Variants in KCNK2 observed in about 807,000 individuals in gnomAD.
KCNK2 encodes potassium two pore domain channel subfamily K member 2, also known as potassium channel subfamily K member 2.
Under a neutral mutation model 40.5 loss-of-function variants are expected in KCNK2, and 21 were observed. That is an observed-to-expected ratio of 0.52 (90% CI 0.37 to 0.75). The LOEUF (loss-of-function observed/expected upper bound fraction) is 0.75, where lower values mean the gene tolerates loss of function less well. Among genes scored for constraint, KCNK2 ranks in the 30% least tolerant of loss-of-function variants. The pLI, the probability that KCNK2 is intolerant of heterozygous loss-of-function variation, is 0.00. For synonymous variants in KCNK2, 191 were observed against 202.2 expected (o/e 0.94, Z 0.47); for missense variants, 399 against 531.6 (o/e 0.75, Z 2.45).
intron 1 of KCNK2, among the ~76,000 whole-genome samples, chr1:215,058,825 A>C (rs1213424910): frequency 1.3e-5 from 2 of 151,886 alleles, no homozygotes; most frequent in Non-Finnish European, 2.9e-5. Context: ...GGGCCTTTTG[A>C]ATGCCTGTTT....
intron 5 of KCNK2, among the ~76,000 whole-genome samples, chr1:215,182,118 G>A (rs1664240932): frequency 6.6e-6 from 1 of 152,160 alleles, no homozygotes; most frequent in Non-Finnish European, 1.5e-5. Context: ...GTGCCCCCCT[G>A]CACCAAGATC....
At chr1:215,178,832 T>C (rs1308451973) in intron 5 of KCNK2, among the ~76,000 whole-genome samples, 2 of 152,150 alleles carry the variant, frequency 1.3e-5, no homozygotes, top group African/African-American at 4.8e-5. Flanking sequence ...TTTTGCCATA[T>C]TTTGTTATCA....
intron 6 of KCNK2, among the ~76,000 whole-genome samples, chr1:215,201,390 G>A (rs998996052): frequency 2.0e-5 from 3 of 152,140 alleles, no homozygotes; most frequent in Non-Finnish European, 4.4e-5. Flanking sequence ...TTGTTCCCTG[G>A]CATGGGTGCA....
At chr1:215,009,317 T>C (rs1656294104) in intron 1 of KCNK2, among the ~76,000 whole-genome samples, 1 of 152,176 alleles carries the variant, frequency 6.6e-6, no homozygotes, top group Non-Finnish European at 1.5e-5. Context: ...ATCACAGATA[T>C]GAAATGACAA....
intron 3 of KCNK2, among the ~76,000 whole-genome samples, chr1:215,161,502 G>A (rs1344277403): frequency 6.6e-6 from 1 of 151,874 alleles, no homozygotes; most frequent in Non-Finnish European, 1.5e-5. Flanking sequence ...CATGTGCCAT[G>A]GTGGTTTGCT....
chr1:215,045,090 A>G (rs373153402), intron 1 of KCNK2, among the ~76,000 whole-genome samples: 16 of 152,174 alleles, frequency 1.1e-4, no homozygotes, highest in African/African-American at 3.9e-4. Context: ...AGGCTGAGGC[A>G]GGAGAATGGC....
chr1:215,011,125 A>G lies in KCNK2; in HGVS notation c.34+5170A>G, dbSNP rs145590135. Among the ~76,000 whole-genome samples the G allele has an allele frequency of 4.9e-3, 740 of 152,066 alleles. 5 individuals carry two copies. Among genetic ancestry groups the G allele is most frequent in the African/African-American group, 0.017 (709 of 41,488 alleles). ...TTGTAACCACAACCACAATCAAGAT[A>G]TAGAACGGTCCTTCACCCCAAAAAT... On this transcript the variant is annotated intron_variant, in intron 1 of 6. Transcript: ENST00000391895.
chr1:215,066,067 A>G (rs1339732128), intron 1 of KCNK2, among the ~76,000 whole-genome samples: 1 of 152,156 alleles, frequency 6.6e-6, no homozygotes, highest in East Asian at 1.9e-4. Flanking sequence ...TTGAACAGTG[A>G]GAACACATGG....
rs554583649 is a variant in KCNK2 at position 215,221,186 on chromosome 1, C to T, written c.964-13642C>T. ...GTCAGGAGTTTGAGACCAGCCTAGCCAACATGGTGAAACCCCATCTCTACT... is the reference window on the plus strand; with the variant it reads ...GTCAGGAGTTTGAGACCAGCCTAGCTAACATGGTGAAACCCCATCTCTACT... On this transcript the variant is annotated intron_variant, in intron 6 of 6. Coordinates refer to ENST00000444842, the MANE Select transcript of KCNK2 (RefSeq NM_001017425.3). Among the ~76,000 whole-genome samples, 3 of 152,304 alleles carry T rather than the reference C, an allele frequency of 2.0e-5. No homozygotes were observed. In the South Asian group the frequency reaches 6.2e-4, roughly 32 times the overall value.
chr1:215,174,603 G>A (rs1224168932), intron 5 of KCNK2, among the ~76,000 whole-genome samples: 1 of 152,176 alleles, frequency 6.6e-6, no homozygotes. Context: ...CTATCCATGA[G>A]CATGGAATGT....
At chr1:215,184,317 T>C (rs1010051056) in intron 5 of KCNK2, among the ~76,000 whole-genome samples, 3 of 152,192 alleles carry the variant, frequency 2.0e-5, no homozygotes, top group African/African-American at 4.8e-5. Context: ...AACAAAAATA[T>C]ACTTGTGATG....
intron 6 of KCNK2, among the ~76,000 whole-genome samples, chr1:215,225,966 C>T (rs1329884205): frequency 6.6e-6 from 1 of 152,178 alleles, no homozygotes; most frequent in Admixed American, 6.5e-5. Flanking sequence ...TCACACATTT[C>T]AAACTTCTAG....
intron 1 of KCNK2, among the ~76,000 whole-genome samples, chr1:215,007,013 A>ATATATATATATATATATATGTGTGTGTG: frequency 5.3e-5 from 1 of 18,978 alleles, no homozygotes; most frequent in African/African-American, 9.2e-5. Flanking sequence ...ATATATATAT[A>ATATATATATATATATATATGTGTGTGTG]TATATATATA....
intron 6 of KCNK2, among the ~76,000 whole-genome samples, chr1:215,219,913 A>G (rs1318247274): frequency 6.6e-6 from 1 of 152,160 alleles, no homozygotes; most frequent in Admixed American, 6.5e-5. Flanking sequence ...GCAATTCCTT[A>G]TACTGCAGCA....
chr1:215,208,912 C>T (rs1665433579), intron 6 of KCNK2, among the ~76,000 whole-genome samples: 1 of 151,872 alleles, frequency 6.6e-6, no homozygotes, highest in South Asian at 2.1e-4. Context: ...ACTACAACCT[C>T]CGCCTCCTGG....
intron 6 of KCNK2, among the ~76,000 whole-genome samples, chr1:215,196,338 C>A (rs905974330): frequency 5.3e-5 from 8 of 152,118 alleles, no homozygotes; most frequent in African/African-American, 1.9e-4. Context: ...CTGCCCGCCT[C>A]TGCCTCCCAA....
intron 1 of KCNK2, among the ~76,000 whole-genome samples, chr1:215,073,963 A>G (rs1658846329): frequency 6.6e-6 from 1 of 152,144 alleles, no homozygotes; most frequent in African/African-American, 2.4e-5. Flanking sequence ...TTTAATGAGA[A>G]ATTCAATACT....
At chr1:215,156,746 T>G (rs956682183) in intron 3 of KCNK2, among the ~76,000 whole-genome samples, 14 of 152,236 alleles carry the variant, frequency 9.2e-5, no homozygotes, top group South Asian at 4.1e-4. Context: ...GACACAAGCA[T>G]GTCTTACCAT....
rs1558152868 is a variant in KCNK2 at position 215,235,687 on chromosome 1, CT to C, written c.*543del. 1.3e-5 allele frequency: 2 copies of C among 152,926 alleles called. No individual in the cohort carries two copies. Among genetic ancestry groups the C allele is most frequent in the Non-Finnish European group, 2.9e-5 (2 of 68,242 alleles). The allele number at this position is 152,926 out of a possible 1,614,324, so 9.5% of individuals were successfully genotyped here. On this transcript the variant is annotated 3_prime_UTR_variant, in exon 7 of 7. Coordinates refer to ENST00000444842, the MANE Select transcript of KCNK2 (RefSeq NM_001017425.3). ...GGTTTCTCCTTCCCTGCCCCCACCC[CT>C]AGGCTCACCTCTGCAGTCTTTTACC...
Sources: allele counts gnomAD v4.1 joint callset (sites outside exome capture counted in the v4.1 genomes callset), GRCh38; gene constraint gnomAD v4.1.1; transcripts MANE v1.5; gene names NCBI Gene and HGNC (gene_info 2026-07-23, HGNC 2026-07-21).